ACTR3: variants seen among roughly 807,000 people sequenced by gnomAD.
ACTR3 encodes actin related protein 3, also known as actin-related protein 3.
Under a neutral mutation model 56.8 loss-of-function variants are expected in ACTR3, and 12 were observed. The ratio of observed to expected loss-of-function variants is 0.21; its 90% CI spans 0.14 to 0.34. The LOEUF is 0.34. ACTR3 is among the 10% of genes least tolerant of loss of function. ACTR3 has a pLI of 1.00. For missense variants in ACTR3, 282 were observed against 512.5 expected (o/e 0.55, Z 4.34); for synonymous variants, 162 against 167.4 (o/e 0.97, Z 0.25).
In ACTR3 at chr2:113,942,200, T is replaced by C. The variant is rs533626159; in HGVS notation, c.699T>C (p.Tyr233=). The change falls in exon 8 of 12, where the codon TAT becomes TAC. Residue 233 remains tyrosine (Y), a synonymous_variant. Coordinates refer to ENST00000263238, the MANE Select transcript of ACTR3 (RefSeq NM_005721.5). ...TAKAVKERYS[Y]VCPDLVKEFN... is the part of the protein sequence containing the mutation. Reference sequence around the variant, plus strand: ...TTGTTTTTCAGGAGCGCTATAGTTATGTCTGCCCAGATTTAGTAAAAGAAT... The same window carrying C: ...TTGTTTTTCAGGAGCGCTATAGTTACGTCTGCCCAGATTTAGTAAAAGAAT... 6.3e-6 allele frequency: 10 copies of C among 1,581,408 alleles called. No individual in the cohort carries two copies. Among genetic ancestry groups the C allele is most frequent in the Middle Eastern group, 1.7e-4 (1 of 5,974 alleles).
chr2:113,916,760 T>C (rs1291448835), intron 2 of ACTR3, 124 bp from the exon 3 acceptor site: 1 of 740,376 alleles, frequency 1.4e-6, no homozygotes, highest in Non-Finnish European at 1.9e-6. Flanking sequence ...TGAATTAGTT[T>C]GACAATTTAA....
At chr2:113,902,167 T>C (rs1200717789) in intron 1 of ACTR3, among the ~76,000 whole-genome samples, 1 of 152,224 alleles carries the variant, frequency 6.6e-6, no homozygotes, top group Non-Finnish European at 1.5e-5. Context: ...AGGCAGTTAC[T>C]GTTGTGACAG....
intron 4 of ACTR3, among the ~76,000 whole-genome samples, chr2:113,928,905 G>GT (rs1263876683): frequency 6.6e-6 from 1 of 152,108 alleles, no homozygotes; most frequent in Non-Finnish European, 1.5e-5. Context: ...GACAACCACT[G>GT]TTTCTTTTTC....
intron 7 of ACTR3, among the ~76,000 whole-genome samples, chr2:113,940,872 G>A (rs1679912775): frequency 6.7e-6 from 1 of 148,510 alleles, no homozygotes; most frequent in Non-Finnish European, 1.5e-5. Flanking sequence ...CCAAGCTGGA[G>A]CGCAGTGGCA....
intron 4 of ACTR3, among the ~76,000 whole-genome samples, chr2:113,929,135 T>TTTTTTG (rs1234631756): frequency 2.0e-5 from 3 of 151,998 alleles, no homozygotes; most frequent in African/African-American, 4.8e-5. Context: ...TTTTTGTTTT[T>TTTTTTG]TTTTTGTTTT....
At chr2:113,901,579 C>T (rs1246775397) in intron 1 of ACTR3, among the ~76,000 whole-genome samples, 3 of 152,068 alleles carry the variant, frequency 2.0e-5, no homozygotes, top group African/African-American at 7.2e-5. Context: ...GCAAGTCATT[C>T]ATATTAAGAT....
intron 1 of ACTR3, among the ~76,000 whole-genome samples, chr2:113,895,249 C>T (rs903669699): frequency 2.6e-5 from 4 of 152,112 alleles, no homozygotes; most frequent in African/African-American, 9.7e-5. Context: ...TTAACTTTCA[C>T]AACAACCTGG....
intron 1 of ACTR3, among the ~76,000 whole-genome samples, chr2:113,892,040 G>T (rs1574344270): frequency 6.6e-6 from 1 of 152,172 alleles, no homozygotes; most frequent in Admixed American, 6.5e-5. Context: ...TAATGCTTTA[G>T]AAATTACTGC....
At chr2:113,904,667 C>T (rs570241488) in intron 1 of ACTR3, 33 of 152,270 alleles carry the variant, frequency 2.2e-4, no homozygotes, top group Non-Finnish European at 4.0e-4. Flanking sequence ...AAATTGTTTT[C>T]GTAAGTGGCT....
chr2:113,934,485 T>A (rs2104612472), intron 6 of ACTR3, 99 bp downstream of exon 6: 2 of 778,880 alleles, frequency 2.6e-6, no homozygotes, highest in Non-Finnish European at 3.9e-6. Flanking sequence ...CTTTAAATGC[T>A]GCACTATAAT....
intron 3 of ACTR3, among the ~76,000 whole-genome samples, chr2:113,919,375 C>G (rs926036900): frequency 1.3e-5 from 2 of 151,784 alleles, no homozygotes; most frequent in African/African-American, 4.8e-5. Context: ...TGTTATGTTT[C>G]TTTTCTTTTT....
chr2:113,914,589 G>C (rs1379244710), intron 2 of ACTR3, among the ~76,000 whole-genome samples: 1 of 149,084 alleles, frequency 6.7e-6, no homozygotes, highest in South Asian at 2.1e-4. Flanking sequence ...CCAGGCCTGG[G>C]GGGTGACAGA....
At chr2:113,955,446 C>T in intron 10 of ACTR3, 177 bp from the exon 11 acceptor site, 3 of 516,612 alleles carry the variant, frequency 5.8e-6, no homozygotes, top group Non-Finnish European at 6.9e-6. Context: ...CTGTCTCTTC[C>T]ACAGTGTTCC....
intron 3 of ACTR3, among the ~76,000 whole-genome samples, chr2:113,917,511 A>G (rs1039782654): frequency 2.6e-5 from 4 of 152,164 alleles, no homozygotes; most frequent in African/African-American, 9.7e-5. Flanking sequence ...TGTAATCATA[A>G]CAGGTAAAGA....
intron 1 of ACTR3, among the ~76,000 whole-genome samples, chr2:113,892,560 G>A (rs1678926156): frequency 6.6e-6 from 1 of 152,102 alleles, no homozygotes; most frequent in Non-Finnish European, 1.5e-5. Flanking sequence ...AGCTTTATTT[G>A]CACATGGAGG....
chr2:113,931,388 G>T lies in ACTR3; in HGVS notation c.424G>T (p.Ala142Ser). 1.9e-6 allele frequency: 3 copies of T among 1,576,680 alleles called. No individual in the cohort carries two copies. The highest frequency in any genetic ancestry group is 8.6e-7 in the Non-Finnish European group (1 of 1,162,508). Residue 142 changes from alanine (A) to serine (S), a missense_variant, in exon 5 of 12, where the codon GCT becomes TCT. Transcript: ENST00000263238. ...CTTCAATGTTCCAGGCTTGTACATTGCTGTGCAGGTAAGCAAGTTCATACT... is the reference window on the plus strand; with the variant it reads ...CTTCAATGTTCCAGGCTTGTACATTTCTGTGCAGGTAAGCAAGTTCATACT... ...ESFNVPGLYI[A>S]VQAVLALAAS...
At chr2:113,905,207 G>A (rs997952518) in intron 1 of ACTR3, 1 of 152,080 alleles carries the variant, frequency 6.6e-6, no homozygotes, top group African/African-American at 2.4e-5. Context: ...TAGGTATCCA[G>A]TATTATTTTC....
intron 3 of ACTR3, among the ~76,000 whole-genome samples, chr2:113,921,173 G>A (rs4848359): frequency 0.55 from 83,397 of 151,938 alleles, 26,546 homozygotes; most frequent in Middle Eastern, 0.73. Flanking sequence ...TAACTATGGT[G>A]AGACGGTATT....
At chr2:113,949,364 C>T (rs1680078020) in intron 8 of ACTR3, among the ~76,000 whole-genome samples, 1 of 117,704 alleles carries the variant, frequency 8.5e-6, no homozygotes, top group African/African-American at 3.6e-5. Flanking sequence ...GGTGTCAGAT[C>T]GAGACTCGGT....
Sources: gnomAD v4.1 joint callset for allele counts (sites outside exome capture counted in the v4.1 genomes callset) on GRCh38, gnomAD v4.1.1 for gene constraint, MANE v1.5 for transcripts, NCBI Gene and HGNC (gene_info 2026-07-23, HGNC 2026-07-21) for gene names.